The following SUGCT variants were observed in gnomAD, a reference collection of about 807,000 sequenced individuals.
SUGCT encodes the protein succinyl-CoA:glutarate CoA-transferase.
SUGCT carries 41 observed loss-of-function variants against 55.0 expected under a neutral mutation model. The observed-to-expected ratio is 0.74, with a 90% CI of 0.58 to 0.97. The LOEUF (loss-of-function observed/expected upper bound fraction) is 0.97, where lower values mean the gene tolerates loss of function less well. SUGCT is among the 50% of genes least tolerant of loss of function. The pLI is 0.00. For missense variants in SUGCT, 568 were observed against 547.8 expected (o/e 1.04, Z -0.37); for synonymous variants, 187 against 200.4 (o/e 0.93, Z 0.56).
chr7:40,752,752 A>G (rs1277880083), intron 13 of SUGCT, among the ~76,000 whole-genome samples: 1 of 152,220 alleles, frequency 6.6e-6, no homozygotes, highest in East Asian at 1.9e-4. Context: ...GCATGGGCAC[A>G]GGGAGAAGTA....
chr7:40,431,742 G>C (rs1021008993), intron 9 of SUGCT, among the ~76,000 whole-genome samples: 6 of 151,906 alleles, frequency 3.9e-5, no homozygotes, highest in African/African-American at 1.4e-4. Flanking sequence ...TATTTTATTG[G>C]CATTCTCAGT....
the SUGCT span, among the ~76,000 whole-genome samples, chr7:40,986,493 C>T: frequency 6.6e-6 from 1 of 152,162 alleles, no homozygotes; most frequent in Non-Finnish European, 1.5e-5. Context: ...GACTATAACC[C>T]TTAATGAGCA....
intron 12 of SUGCT, among the ~76,000 whole-genome samples, chr7:40,569,654 T>G (rs143605947): frequency 6.6e-6 from 1 of 152,180 alleles, no homozygotes; most frequent in East Asian, 1.9e-4. Context: ...AATACAAATG[T>G]GGGTTTACAT....
At chr7:40,313,003 T>C (rs6462971) in intron 8 of SUGCT, among the ~76,000 whole-genome samples, 152,282 of 152,330 alleles carry the variant, frequency 1, 76,117 homozygotes, top group Middle Eastern at 1. Flanking sequence ...AGACACCATG[T>C]GACTGCTTTG....
rs144072403 is a variant in SUGCT, at chr7:40,215,261, G to A, written c.484+20201G>A. On this transcript the variant is annotated intron_variant, in intron 6 of 13. Coordinates refer to ENST00000335693, the MANE Select transcript of SUGCT (RefSeq NM_001193313.2). ...GGGCTCAAACGATCTTCCTACCTCG[G>A]CCTCCCAAGTAGCTGGGACTACAGG... is the stretch of plus-strand genomic sequence containing the variant. Among the ~76,000 whole-genome samples, 309 of 152,158 alleles carry A rather than the reference G, an allele frequency of 2.0e-3. 1 individual carries two copies. Among genetic ancestry groups the A allele is most frequent in the African/African-American group, 6.9e-3 (286 of 41,546 alleles).
intron 12 of SUGCT, among the ~76,000 whole-genome samples, chr7:40,701,024 G>T (rs1233630025): frequency 6.6e-6 from 1 of 152,132 alleles, no homozygotes; most frequent in Non-Finnish European, 1.5e-5. Context: ...TGTTTTGCTT[G>T]GTAGTGGTCC....
chr7:40,470,080 G>A (rs1442705988), intron 11 of SUGCT, among the ~76,000 whole-genome samples: 1 of 152,076 alleles, frequency 6.6e-6, no homozygotes, highest in South Asian at 2.1e-4. Flanking sequence ...AATGCTAAAG[G>A]CCTTCTTTTT....
chr7:40,151,240 AAAAAC>A (rs1209207520), intron 1 of SUGCT, among the ~76,000 whole-genome samples: 1 of 152,206 alleles, frequency 6.6e-6, no homozygotes, highest in Non-Finnish European at 1.5e-5. Flanking sequence ...CTCCGTCTCT[AAAAAC>A]AAAACAAAAC....
the SUGCT span, among the ~76,000 whole-genome samples, chr7:40,931,482 G>A: frequency 9.9e-5 from 15 of 152,202 alleles, no homozygotes; most frequent in Non-Finnish European, 1.9e-4. Context: ...GATTGGAATA[G>A]TTTCAGAAGG....
chr7:40,900,683 A>G, the SUGCT span, among the ~76,000 whole-genome samples: 7 of 152,240 alleles, frequency 4.6e-5, no homozygotes, highest in African/African-American at 1.7e-4. Flanking sequence ...TCATACTTCC[A>G]GGATGCTGTC....
At chr7:40,431,109 C>T (rs946427497) in intron 9 of SUGCT, among the ~76,000 whole-genome samples, 16 of 126,090 alleles carry the variant, frequency 1.3e-4, no homozygotes, top group Non-Finnish European at 2.1e-4. Context: ...CAGAGTGAGA[C>T]TTCGTCTCAA....
chr7:41,029,930 A>C, the SUGCT span, among the ~76,000 whole-genome samples: 312 of 152,242 alleles, frequency 2.0e-3, no homozygotes, highest in African/African-American at 7.3e-3. Flanking sequence ...TCGCCTCCCC[A>C]ACTCCTGCAG....
chr7:40,585,077 C>T (rs1254231817), intron 12 of SUGCT, among the ~76,000 whole-genome samples: 3 of 152,152 alleles, frequency 2.0e-5, no homozygotes, highest in African/African-American at 7.2e-5. Flanking sequence ...TTGGAATGAT[C>T]CCATCAGCTC....
At chr7:40,632,531 G>A (rs1799833166) in intron 12 of SUGCT, among the ~76,000 whole-genome samples, 1 of 146,164 alleles carries the variant, frequency 6.8e-6, no homozygotes, top group South Asian at 2.4e-4. Flanking sequence ...AGACATACTA[G>A]ATAGACATGA....
intron 12 of SUGCT, among the ~76,000 whole-genome samples, chr7:40,564,475 TAAG>T (rs1306092030): frequency 6.6e-6 from 1 of 152,236 alleles, no homozygotes; most frequent in Non-Finnish European, 1.5e-5. Context: ...CATGTCATAA[TAAG>T]GGAATAATTA....
chr7:40,749,348 C>A, intron 12 of SUGCT, 86 bp from the exon 13 acceptor site: 1 of 1,022,594 alleles, frequency 9.8e-7, no homozygotes, highest in Non-Finnish European at 1.6e-6. Flanking sequence ...TCTTTGATGT[C>A]GACTGAATAG....
intron 12 of SUGCT, among the ~76,000 whole-genome samples, chr7:40,618,681 C>A (rs4720371): frequency 0.21 from 31,542 of 152,036 alleles, 5,601 homozygotes; most frequent in African/African-American, 0.48. Flanking sequence ...ATAGAAACTT[C>A]GTTCATAAGG....
intron 12 of SUGCT, among the ~76,000 whole-genome samples, chr7:40,634,513 C>A (rs762993074): frequency 6.6e-6 from 1 of 152,180 alleles, no homozygotes; most frequent in African/African-American, 2.4e-5. Flanking sequence ...TACTATAAGA[C>A]CTGGTTCTGC....
intron 12 of SUGCT, among the ~76,000 whole-genome samples, chr7:40,630,340 T>A (rs1562912410): frequency 1.3e-5 from 2 of 152,182 alleles, no homozygotes; most frequent in African/African-American, 2.4e-5. Context: ...TGGGTCCTTT[T>A]CTTCTTCATC....
Sources: gnomAD v4.1 joint callset for allele counts (sites outside exome capture counted in the v4.1 genomes callset) on GRCh38, gnomAD v4.1.1 for gene constraint, MANE v1.5 for transcripts, NCBI Gene and HGNC (gene_info 2026-07-23, HGNC 2026-07-21) for gene names.